Variants in CRPPA observed in about 807,000 individuals in gnomAD.
CRPPA encodes the protein D-ribitol-5-phosphate cytidylyltransferase.
In CRPPA, 43 loss-of-function variants were observed where a neutral mutation model predicts 52.0. That is an observed-to-expected ratio of 0.83 (90% CI 0.65 to 1.07). The LOEUF (loss-of-function observed/expected upper bound fraction) is 1.07, where lower values mean the gene tolerates loss of function less well. CRPPA is among the 50% of genes least tolerant of loss of function. CRPPA has a pLI of 0.00. For missense variants in CRPPA, 629 were observed against 551.7 expected (o/e 1.14, Z -1.40); for synonymous variants, 250 against 203.5 (o/e 1.23, Z -1.94).
chr7:16,291,885 T>C (rs1447138868), intron 5 of CRPPA, among the ~76,000 whole-genome samples: 2 of 151,880 alleles, frequency 1.3e-5, no homozygotes, highest in African/African-American at 4.8e-5. Flanking sequence ...TCTAATGCAA[T>C]AGGCACATGC....
chr7:16,214,347 T>A (rs1031221153), intron 9 of CRPPA, among the ~76,000 whole-genome samples: 1 of 152,164 alleles, frequency 6.6e-6, no homozygotes, highest in African/African-American at 2.4e-5. Flanking sequence ...CCAGGGATTA[T>A]TTACACTCTC....
At chr7:16,419,028 T>C (rs1481506136) in intron 1 of CRPPA, among the ~76,000 whole-genome samples, 1 of 152,240 alleles carries the variant, frequency 6.6e-6, no homozygotes, top group African/African-American at 2.4e-5. Context: ...ATATGAGCTA[T>C]GTTGTCACAA....
At chr7:16,420,841 G>C (rs1374318369) in intron 1 of CRPPA, among the ~76,000 whole-genome samples, 2 of 152,104 alleles carry the variant, frequency 1.3e-5, no homozygotes, top group African/African-American at 4.8e-5. Flanking sequence ...TCATCTGCTT[G>C]GGGACGTAAA....
At chr7:16,327,316 G>A (rs977394390) in intron 3 of CRPPA, among the ~76,000 whole-genome samples, 8 of 152,146 alleles carry the variant, frequency 5.3e-5, no homozygotes, top group Non-Finnish European at 1.2e-4. Flanking sequence ...TCCAAGGCCG[G>A]GCGCGGTGGC....
At chr7:16,379,070 T>C (rs1278442574) in intron 2 of CRPPA, among the ~76,000 whole-genome samples, 1 of 152,244 alleles carries the variant, frequency 6.6e-6, no homozygotes, top group Non-Finnish European at 1.5e-5. Context: ...CTGTTCGCTC[T>C]GATGGTAGTT....
At chr7:16,134,915 T>C (rs947846451) in intron 9 of CRPPA, among the ~76,000 whole-genome samples, 3 of 152,238 alleles carry the variant, frequency 2.0e-5, no homozygotes, top group Admixed American at 6.5e-5. Flanking sequence ...AATTTTTTTC[T>C]GAAAAATACA....
chr7:16,161,385 T>C (rs777826527), intron 9 of CRPPA, among the ~76,000 whole-genome samples: 3 of 152,246 alleles, frequency 2.0e-5, no homozygotes, highest in Non-Finnish European at 4.4e-5. Flanking sequence ...TGAGTGTTTC[T>C]AGCATGAAGA....
chr7:16,367,470 G>C (rs552165328), intron 3 of CRPPA, among the ~76,000 whole-genome samples: 1 of 152,038 alleles, frequency 6.6e-6, no homozygotes, highest in East Asian at 1.9e-4. Flanking sequence ...TTTTTGACTT[G>C]TTCCTGTTAA....
chr7:16,174,602 A>G (rs1781257009), intron 9 of CRPPA, among the ~76,000 whole-genome samples: 1 of 152,214 alleles, frequency 6.6e-6, no homozygotes. Flanking sequence ...TGATGAAGAC[A>G]GAGAAACTGA....
chr7:16,124,097 C>T (rs1158768239), intron 9 of CRPPA, among the ~76,000 whole-genome samples: 1 of 137,556 alleles, frequency 7.3e-6, no homozygotes, highest in Non-Finnish European at 1.5e-5. Context: ...CATATAGGCT[C>T]AATTTCTTTC....
intron 9 of CRPPA, among the ~76,000 whole-genome samples, chr7:16,106,977 A>G (rs1330657153): frequency 2.0e-5 from 3 of 152,266 alleles, no homozygotes; most frequent in Admixed American, 6.5e-5. Context: ...AAATACAGTG[A>G]CTGATCTGAA....
intron 8 of CRPPA, among the ~76,000 whole-genome samples, chr7:16,228,501 T>C (rs1432573128): frequency 2.0e-5 from 3 of 151,920 alleles, no homozygotes; most frequent in Non-Finnish European, 4.4e-5. Flanking sequence ...ATGTTAGGTT[T>C]CCATTTGTTA....
chr7:16,145,795 G>T (rs1184721564), intron 9 of CRPPA, among the ~76,000 whole-genome samples: 1 of 151,988 alleles, frequency 6.6e-6, no homozygotes, highest in African/African-American at 2.4e-5. Context: ...AAAAGAAAAA[G>T]ATTTTTTCTT....
intron 2 of CRPPA, among the ~76,000 whole-genome samples, chr7:16,389,928 A>AAAAAAAATATAT: frequency 2.4e-4 from 7 of 29,760 alleles, no homozygotes; most frequent in African/African-American, 3.5e-4. Context: ...AAAAAAAAAA[A>AAAAAAAATATAT]ATATATATAT....
chr7:16,248,607 G>A lies in CRPPA; in HGVS notation c.1119+9783C>T, dbSNP rs750135262. Among the ~76,000 whole-genome samples, 5 of 152,302 alleles carry A rather than the reference G, an allele frequency of 3.3e-5. No homozygotes were observed. In the South Asian group the frequency reaches 8.3e-4, roughly 25 times the overall value. On this transcript the variant is annotated intron_variant, in intron 8 of 9. Coordinates refer to ENST00000407010, the MANE Select transcript of CRPPA (RefSeq NM_001101426.4). ...AATAGTGAGACAACTCAAGATGGCT[G>A]AATAGGAACAGCTCCCGTCTGCAGC... is the stretch of plus-strand genomic sequence containing the variant.
At chr7:16,245,595 CT>C (rs1783249006) in intron 8 of CRPPA, among the ~76,000 whole-genome samples, 1 of 152,138 alleles carries the variant, frequency 6.6e-6, no homozygotes, top group Admixed American at 6.5e-5. Context: ...TAGACATAAT[CT>C]AGTGACACAT....
At chr7:16,154,953 A>G (rs1031238254) in intron 9 of CRPPA, among the ~76,000 whole-genome samples, 2 of 146,528 alleles carry the variant, frequency 1.4e-5, no homozygotes, top group Non-Finnish European at 3.0e-5. Flanking sequence ...GACATGCACC[A>G]CACACCCAGC....
chr7:16,123,725 T>G (rs1245902784), intron 9 of CRPPA, among the ~76,000 whole-genome samples: 1 of 152,132 alleles, frequency 6.6e-6, no homozygotes, highest in Non-Finnish European at 1.5e-5. Context: ...TAAGGGAGAT[T>G]CTAAATTCGT....
At position 16,372,381 on chromosome 7, in the gene CRPPA, G is replaced by T. The variant is rs979720856; in HGVS notation, c.684+3711C>A. On this transcript the variant is annotated intron_variant, in intron 3 of 9. Transcript: ENST00000407010. ...AGAAACCTTACATGCCAGAGGGATT[G>T]GGGTCCTATCTTTAGCCTCCTGAAA... 3.9e-5 allele frequency among the ~76,000 whole-genome samples: 6 copies of T among 152,298 alleles called. No individual in the cohort carries two copies. The East Asian group carries it at 1.2e-3, about 29-fold the overall frequency.
Sources: allele counts gnomAD v4.1 joint callset (sites outside exome capture counted in the v4.1 genomes callset), GRCh38; gene constraint gnomAD v4.1.1; transcripts MANE v1.5; gene names NCBI Gene and HGNC (gene_info 2026-07-23, HGNC 2026-07-21).